GALNT13: variants seen among roughly 807,000 people sequenced by gnomAD.
GALNT13 encodes the protein UDP-GalNAc:polypeptide N-acetylgalactosaminyltransferase 13.
In GALNT13, 28 loss-of-function variants were observed where a neutral mutation model predicts 64.2. That is an observed-to-expected ratio of 0.44 (90% CI 0.32 to 0.60). The LOEUF is 0.60. GALNT13 is among the 20% of genes least tolerant of loss of function. The pLI is 0.05. For missense variants in GALNT13, 577 were observed against 669.8 expected, an observed-to-expected ratio of 0.86 and a Z score of 1.53; for synonymous variants, 214 against 224.6, an observed-to-expected ratio of 0.95 and a Z score of 0.42.
chr2:153,087,443 T>A, the GALNT13 span, among the ~76,000 whole-genome samples: 2 of 152,164 alleles, frequency 1.3e-5, no homozygotes, highest in Non-Finnish European at 2.9e-5. Context: ...AGTTTTCTTT[T>A]TGTGTTATAT....
At chr2:154,149,589 C>G (rs1237387706) in intron 4 of GALNT13, among the ~76,000 whole-genome samples, 1 of 152,022 alleles carries the variant, frequency 6.6e-6, no homozygotes, top group Non-Finnish European at 1.5e-5. Flanking sequence ...TCTTTGTATC[C>G]TCTTTTATTT....
chr2:153,963,081 G>C (rs1225349320), intron 3 of GALNT13, among the ~76,000 whole-genome samples: 1 of 152,152 alleles, frequency 6.6e-6, no homozygotes, highest in Non-Finnish European at 1.5e-5. Flanking sequence ...CAAGACCAAG[G>C]TGCAAGCAGG....
At chr2:153,287,299 C>A in the GALNT13 span, among the ~76,000 whole-genome samples, 648 of 152,260 alleles carry the variant, frequency 4.3e-3, 5 homozygotes, top group African/African-American at 0.015. Context: ...TACAAGCCCC[C>A]GAAACCCCGG....
At chr2:153,074,797 C>T in the GALNT13 span, among the ~76,000 whole-genome samples, 12 of 152,254 alleles carry the variant, frequency 7.9e-5, no homozygotes, top group East Asian at 3.9e-4. Context: ...TGCAGTGACA[C>T]GAACATAACT....
At chr2:153,730,165 A>T in the GALNT13 span, among the ~76,000 whole-genome samples, 3 of 152,052 alleles carry the variant, frequency 2.0e-5, no homozygotes, top group African/African-American at 7.2e-5. Flanking sequence ...GCAAAGTGGG[A>T]GGCATCACAT....
chr2:153,401,771 T>C, the GALNT13 span, among the ~76,000 whole-genome samples: 16 of 150,792 alleles, frequency 1.1e-4, no homozygotes, highest in Admixed American at 1.1e-3. Context: ...TTGTTTTCCA[T>C]TTGCTTGGTA....
the GALNT13 span, among the ~76,000 whole-genome samples, chr2:153,453,889 G>A: frequency 6.6e-6 from 1 of 152,176 alleles, no homozygotes. Context: ...ACAGTGGATT[G>A]GATGAAGAAA....
At chr2:153,802,547 TTA>T in the GALNT13 span, among the ~76,000 whole-genome samples, 2 of 152,220 alleles carry the variant, frequency 1.3e-5, no homozygotes, top group Admixed American at 6.5e-5. Context: ...TCTGCTGTGT[TTA>T]TGAGTCCATC....
At chr2:153,180,945 A>G in the GALNT13 span, among the ~76,000 whole-genome samples, 2 of 141,196 alleles carry the variant, frequency 1.4e-5, no homozygotes, top group South Asian at 4.6e-4. Context: ...AATTTTGTTT[A>G]TCTTTTCAAA....
At chr2:153,964,031 A>C (rs1028100489) in intron 3 of GALNT13, among the ~76,000 whole-genome samples, 1 of 151,964 alleles carries the variant, frequency 6.6e-6, no homozygotes, top group East Asian at 1.9e-4. Flanking sequence ...GATTTGATTT[A>C]ATTTTGGTGT....
the GALNT13 span, among the ~76,000 whole-genome samples, chr2:153,391,704 A>C: frequency 6.6e-6 from 1 of 151,884 alleles, no homozygotes; most frequent in African/African-American, 2.4e-5. Context: ...ATGCTATGTG[A>C]CTCCCACCAG....
intron 12 of GALNT13, among the ~76,000 whole-genome samples, chr2:154,446,971 AG>A (rs1342823042): frequency 7.1e-5 from 9 of 126,458 alleles, no homozygotes; most frequent in East Asian, 4.0e-4. Context: ...CTTAATGAGT[AG>A]GGGTTTTTTT....
chr2:153,390,116 G>A, the GALNT13 span, among the ~76,000 whole-genome samples: 82 of 152,174 alleles, frequency 5.4e-4, 1 homozygote, highest in African/African-American at 1.9e-3. Flanking sequence ...ATACACCGTG[G>A]AATACTATGC....
At chr2:153,204,994 G>A in the GALNT13 span, among the ~76,000 whole-genome samples, 1 of 152,216 alleles carries the variant, frequency 6.6e-6, no homozygotes, top group South Asian at 2.1e-4. Flanking sequence ...AAATAAATTA[G>A]TAAAAGTCTT....
chr2:153,780,792 G>A, the GALNT13 span, among the ~76,000 whole-genome samples: 10 of 152,198 alleles, frequency 6.6e-5, no homozygotes, highest in South Asian at 2.1e-4. Context: ...TTGCCTGCTC[G>A]TTGTGGCAAT....
chr2:154,171,660 G>A (rs1685355973), intron 4 of GALNT13, among the ~76,000 whole-genome samples: 1 of 152,040 alleles, frequency 6.6e-6, no homozygotes, highest in Non-Finnish European at 1.5e-5. Context: ...TGAAATAGGA[G>A]CTCCTGGATG....
At chr2:153,382,570 T>C in the GALNT13 span, among the ~76,000 whole-genome samples, 1 of 152,104 alleles carries the variant, frequency 6.6e-6, no homozygotes, top group East Asian at 1.9e-4. Context: ...TATTCAGTTC[T>C]ACTATTAATG....
chr2:153,674,308 A>C, the GALNT13 span, among the ~76,000 whole-genome samples: 1 of 152,214 alleles, frequency 6.6e-6, no homozygotes, highest in Non-Finnish European at 1.5e-5. Context: ...ATTATATGAC[A>C]AGCCTACAGT....
intron 6 of GALNT13, among the ~76,000 whole-genome samples, chr2:154,244,029 A>G (rs370245618): frequency 1.7e-4 from 26 of 152,330 alleles, no homozygotes; most frequent in South Asian, 8.3e-4. Flanking sequence ...CAGTACCCAC[A>G]GGACAATCAG....
Sources: allele counts gnomAD v4.1 joint callset (sites outside exome capture counted in the v4.1 genomes callset), GRCh38; gene constraint gnomAD v4.1.1; transcripts MANE v1.5; gene names NCBI Gene and HGNC (gene_info 2026-07-23, HGNC 2026-07-21).